FAM186A: variants seen among roughly 807,000 people sequenced by gnomAD.
FAM186A encodes family with sequence similarity 186 member A.
A neutral mutation model predicts 216.8 loss-of-function variants in FAM186A; 163 were observed. That is an observed-to-expected ratio of 0.75 (90% CI 0.66 to 0.86). The LOEUF is 0.86. Among genes scored for constraint, FAM186A ranks in the 40% least tolerant of loss-of-function variants. The pLI is 0.00. For synonymous variants in FAM186A, 805 were observed against 1,025.3 expected (o/e 0.79, Z 4.10); for missense variants, 2,184 against 2,746.2 (o/e 0.80, Z 4.58).
In FAM186A at chr12:50,351,168, G is replaced by T. The variant is rs2136090637; in HGVS notation, c.5664C>A (p.Phe1888Leu). The change falls in exon 4 of 8, where the codon TTC becomes TTA. Residue 1888 changes from phenylalanine (F) to leucine (L), a missense_variant. This residue lies in a region of FAM186A where 721 missense variants were observed against 816.4 expected (regional missense o/e 0.88). Transcript: ENST00000327337. ...ATTGCTCAGCAGTGGCAGGAGGCTG[G>T]AATTCCTGGAGCTGCTCAGAGAAGG... ...PLTFSEQLQE[F>L]QPPATAEQSP... 2 of 1,551,622 alleles carry T rather than the reference G, an allele frequency of 1.3e-6. No individual in the cohort carries two copies. The highest frequency in any genetic ancestry group is 1.7e-6 in the Non-Finnish European group (2 of 1,146,982).
chr12:50,345,739 T>G (rs1039353432), intron 4 of FAM186A, among the ~76,000 whole-genome samples: 4 of 152,196 alleles, frequency 2.6e-5, no homozygotes, highest in Admixed American at 2.6e-4. Context: ...AATGTTGTTT[T>G]GGTTACTGTA....
rs554687845 is a variant in FAM186A at position 50,396,345 on chromosome 12, A to G, written c.140T>C (p.Val47Ala). The G allele has an allele frequency of 5.2e-5, 80 of 1,551,620 alleles. No homozygotes were observed. The African/African-American group carries it at 1.0e-3, about 20-fold the overall frequency. ...CTCAATCCTAGAGATGATATCCTTTACTGAGAATGGGATCTCAAGGTTAGG... is the reference window on the plus strand; with the variant it reads ...CTCAATCCTAGAGATGATATCCTTTGCTGAGAATGGGATCTCAAGGTTAGG... Reference protein sequence around the residue: ...MLPNLEIPFSVKDIISRIERA... With the variant: ...MLPNLEIPFSAKDIISRIERA... Residue 47 changes from valine to alanine, a missense_variant, in exon 1 of 8, where the codon GTA (valine) becomes GCA (alanine). Physicochemically the swap from Val to Ala is moderately conservative, Grantham distance 64. This residue lies in a region of FAM186A where 1,132 missense variants were observed against 1,263.4 expected (regional missense o/e 0.90). Coordinates refer to ENST00000327337, the MANE Select transcript of FAM186A (RefSeq NM_001145475.3).
Position 50,355,528 on chromosome 12 carries a change from G to A in FAM186A, c.1304C>T (p.Thr435Ile). The change falls in exon 4 of 8, where the codon ACT (threonine) becomes ATT (isoleucine). Residue 435 changes from threonine to isoleucine, a missense_variant. Physicochemically the swap from Thr to Ile is moderately conservative, Grantham distance 89. This residue lies in a region of FAM186A where 1,132 missense variants were observed against 1,263.4 expected (regional missense o/e 0.90). Transcript: ENST00000327337. ...VASEDISEDS[T>I]KDNVSLKKGD... ...TTTCTTCAATGATACGTTATCTTTA[G>A]TGCTGTCTTCGGAAATATCTTCAGA... 6.4e-7 allele frequency: 1 copy of A among 1,551,402 alleles called. No individual in the cohort carries two copies. The highest frequency in any genetic ancestry group is 8.7e-7 in the Non-Finnish European group (1 of 1,146,946).
chr12:50,365,398 A>G (rs945104764), intron 1 of FAM186A, among the ~76,000 whole-genome samples: 1 of 152,176 alleles, frequency 6.6e-6, no homozygotes, highest in Non-Finnish European at 1.5e-5. Context: ...ATACTCACAC[A>G]TATTAATTTT....
intron 4 of FAM186A, among the ~76,000 whole-genome samples, chr12:50,339,551 A>G (rs1005807079): frequency 2.6e-5 from 4 of 152,136 alleles, no homozygotes; most frequent in South Asian, 2.1e-4. Flanking sequence ...TGTCTTCCAC[A>G]TTACTGGCAT....
intron 1 of FAM186A, among the ~76,000 whole-genome samples, chr12:50,394,134 G>T (rs1183682978): frequency 6.6e-6 from 1 of 152,066 alleles, no homozygotes; most frequent in African/African-American, 2.4e-5. Flanking sequence ...TGGCCAGTTG[G>T]TCTTGAAATC....
At chr12:50,360,448 G>A (rs1393193224) in intron 3 of FAM186A, among the ~76,000 whole-genome samples, 1 of 151,370 alleles carries the variant, frequency 6.6e-6, no homozygotes, top group Non-Finnish European at 1.5e-5. Context: ...ACTTTGGAAG[G>A]CCGAGGCAGG....
chr12:50,393,925 C>CT (rs1419420006), intron 1 of FAM186A, among the ~76,000 whole-genome samples: 4 of 152,076 alleles, frequency 2.6e-5, no homozygotes, highest in Admixed American at 1.3e-4. Flanking sequence ...ATTTAGCACT[C>CT]TTTTTTTCTG....
chr12:50,343,854 C>T lies in FAM186A; in HGVS notation c.6503+6475G>A, dbSNP rs565979051. 6.3e-4 allele frequency among the ~76,000 whole-genome samples: 95 copies of T among 151,636 alleles called. 1 individual carries two copies. The highest frequency in any genetic ancestry group is 2.0e-3 in the African/African-American group (84 of 41,342). On this transcript the variant is annotated intron_variant, in intron 4 of 7. Transcript: ENST00000327337. Reference sequence around the variant, plus strand: ...AGGATAGTCCTCATTCTCCTGACCTCGTGATCTGCCTGCCTTGGCCTCCCA... The same window carrying T: ...AGGATAGTCCTCATTCTCCTGACCTTGTGATCTGCCTGCCTTGGCCTCCCA...
chr12:50,360,450 C>T (rs370878902), intron 3 of FAM186A, among the ~76,000 whole-genome samples: 6 of 150,994 alleles, frequency 4.0e-5, no homozygotes, highest in East Asian at 3.9e-4. Flanking sequence ...TTTGGAAGGC[C>T]GAGGCAGGTG....
chr12:50,368,045 T>C (rs1222702956), intron 1 of FAM186A, among the ~76,000 whole-genome samples: 1 of 151,866 alleles, frequency 6.6e-6, no homozygotes, highest in Non-Finnish European at 1.5e-5. Flanking sequence ...CTCAGGAGGC[T>C]GAGGTGGGAG....
chr12:50,329,259 T>G (rs896194313), intron 7 of FAM186A, among the ~76,000 whole-genome samples: 2 of 152,178 alleles, frequency 1.3e-5, no homozygotes, highest in African/African-American at 4.8e-5. Flanking sequence ...AAATGAAACT[T>G]AAAAATTTAC....
intron 1 of FAM186A, among the ~76,000 whole-genome samples, chr12:50,388,914 G>A (rs550065432): frequency 2.0e-5 from 3 of 151,714 alleles, no homozygotes; most frequent in South Asian, 2.1e-4. Flanking sequence ...TTAGCTGGGC[G>A]TGGTGCATGC....
intron 1 of FAM186A, chr12:50,366,174 C>G: frequency 1.7e-6 from 1 of 589,772 alleles, no homozygotes; most frequent in East Asian, 2.8e-5. Flanking sequence ...AATCATCATG[C>G]AAAATGAGTA....
At chr12:50,342,008 TA>T (rs1942767195) in intron 4 of FAM186A, among the ~76,000 whole-genome samples, 1 of 152,140 alleles carries the variant, frequency 6.6e-6, no homozygotes, top group Non-Finnish European at 1.5e-5. Context: ...GATGCAAGCT[TA>T]AGATTATACC....
intron 4 of FAM186A, among the ~76,000 whole-genome samples, chr12:50,344,885 A>C (rs2138767405): frequency 6.6e-6 from 1 of 152,230 alleles, no homozygotes; most frequent in South Asian, 2.1e-4. Flanking sequence ...ATATGGGAAA[A>C]TTGCATGAGC....
intron 5 of FAM186A, among the ~76,000 whole-genome samples, chr12:50,333,351 G>A (rs1365079229): frequency 1.3e-5 from 2 of 152,022 alleles, no homozygotes; most frequent in African/African-American, 2.4e-5. Context: ...GGCCAACATG[G>A]TGAAACCCCA....
intron 1 of FAM186A, among the ~76,000 whole-genome samples, chr12:50,373,073 A>AAGAG (rs1211338068): frequency 1.4e-5 from 2 of 143,950 alleles, no homozygotes; most frequent in African/African-American, 2.5e-5. Context: ...GAAAGAAAGA[A>AAGAG]AGAGAAAAGA....
At chr12:50,388,239 CA>C (rs1565897708) in intron 1 of FAM186A, among the ~76,000 whole-genome samples, 1 of 152,124 alleles carries the variant, frequency 6.6e-6, no homozygotes, top group East Asian at 1.9e-4. Context: ...CATTAGCATA[CA>C]AAAAGACATC....
Sources: allele counts gnomAD v4.1 joint callset (sites outside exome capture counted in the v4.1 genomes callset), GRCh38; gene constraint gnomAD v4.1.1; regional missense constraint gnomAD v4.1.1; transcripts MANE v1.5; gene names NCBI Gene and HGNC (gene_info 2026-07-23, HGNC 2026-07-21).